Variants in SYNE1 observed in about 807,000 individuals in gnomAD.
SYNE1 encodes the protein spectrin repeat containing nuclear envelope protein 1.
SYNE1 carries 616 observed loss-of-function variants against 1,111.0 expected under a neutral mutation model. The ratio of observed to expected loss-of-function variants is 0.55; its 90% confidence interval spans 0.52 to 0.59. SYNE1 has a LOEUF of 0.59. Ranked by LOEUF, SYNE1 falls within the 20% of genes least tolerant of loss-of-function variation. The pLI is 0.00. For missense variants in SYNE1, 10,006 were observed against 10,417.0 expected (o/e 0.96, Z 1.72); for synonymous variants, 3,855 against 3,825.8 (o/e 1.01, Z -0.28).
intron 104 of SYNE1, among the ~76,000 whole-genome samples, chr6:152,253,752 G>C (rs1199150823): frequency 6.8e-6 from 1 of 147,002 alleles, no homozygotes; most frequent in African/African-American, 2.5e-5. Context: ...AGAAGGCAGT[G>C]GTAATTTGTG....
intron 3 of SYNE1, among the ~76,000 whole-genome samples, chr6:152,589,921 T>C (rs2099553539): frequency 1.4e-5 from 2 of 138,576 alleles, no homozygotes; most frequent in South Asian, 2.3e-4. Flanking sequence ...AATTTGTCCC[T>C]AAACATTTCT....
rs779886565 is a variant in SYNE1 at position 152,447,496 on chromosome 6, A to T, written c.3631T>A (p.Ser1211Thr). Residue 1211 changes from serine to threonine, a missense_variant, in exon 29 of 146, where the codon TCC (serine) becomes ACC (threonine). By Grantham distance (58) the Ser-to-Thr change is moderately conservative. Around this residue, in one of 7 missense-constraint regions of SYNE1, gnomAD observed 1,971 missense variants for 2,084.1 expected, o/e 0.95. Coordinates refer to ENST00000367255, the MANE Select transcript of SYNE1 (RefSeq NM_182961.4). Reference protein sequence around the residue: ...QKQGDELAKLSSSFKALVTLL... With the variant: ...QKQGDELAKLTSSFKALVTLL... ...GTCACAAGAGCCTTGAAAGAGCTGG[A>T]TAATTTTGCCAGCTCATCTCCCTGC... The T allele has an allele frequency of 1.2e-6, 2 of 1,614,252 alleles. No homozygotes were observed. The highest frequency in any genetic ancestry group is 2.2e-5 in the South Asian group (2 of 91,090).
intron 17 of SYNE1, 90 bp from the exon 18 acceptor site, chr6:152,465,550 T>A: frequency 8.5e-7 from 1 of 1,179,828 alleles, no homozygotes; most frequent in Non-Finnish European, 1.2e-6. Context: ...TGGTGTGCAA[T>A]AGTATCCATC....
intron 136 of SYNE1, 67 bp downstream of exon 136, chr6:152,149,410 C>T (rs2060040646): frequency 6.3e-7 from 1 of 1,596,616 alleles, no homozygotes; most frequent in Non-Finnish European, 8.6e-7. Context: ...ACTATCAATA[C>T]AACCCAATCC....
chr6:152,523,685 T>C (rs1197926904), intron 5 of SYNE1, among the ~76,000 whole-genome samples: 1 of 152,098 alleles, frequency 6.6e-6, no homozygotes, highest in Non-Finnish European at 1.5e-5. Flanking sequence ...AATCTATGAG[T>C]ATGAGATGTG....
At chr6:152,365,625 A>T (rs2097059625) in intron 62 of SYNE1, among the ~76,000 whole-genome samples, 1 of 150,418 alleles carries the variant, frequency 6.6e-6, no homozygotes, top group Non-Finnish European at 1.5e-5. Context: ...ATGGCCAGCT[A>T]ATTTAAATGT....
rs552539442 is a variant in SYNE1 at position 152,454,035 on chromosome 6, C to T, written c.2893-315G>A. Reference sequence around the variant, plus strand: ...AGATGCCAAAACCTTGATTCTGTAGCGATAGAGCTTCGGTTCCCCTTTGGT... The same window carrying T: ...AGATGCCAAAACCTTGATTCTGTAGTGATAGAGCTTCGGTTCCCCTTTGGT... On this transcript the variant is annotated intron_variant, in intron 24 of 145. Transcript: ENST00000367255. Among the ~76,000 whole-genome samples, 27 of 152,262 alleles carry T rather than the reference C, an allele frequency of 1.8e-4. 1 individual carries two copies. The highest frequency in any genetic ancestry group is 2.1e-4 in the South Asian group (1 of 4,828).
intron 11 of SYNE1, among the ~76,000 whole-genome samples, chr6:152,495,660 A>G (rs1394563383): frequency 6.6e-6 from 1 of 152,044 alleles, no homozygotes; most frequent in Non-Finnish European, 1.5e-5. Flanking sequence ...ACTCATTCCA[A>G]TGACCTGCTG....
At chr6:152,259,562 T>G (rs12192444) in intron 101 of SYNE1, among the ~76,000 whole-genome samples, 11,105 of 152,252 alleles carry the variant, frequency 0.073, 497 homozygotes, top group East Asian at 0.13. Flanking sequence ...GTAACAGAGA[T>G]ATCGGCTTCC....
chr6:152,541,347 C>A (rs2099268522), intron 3 of SYNE1, among the ~76,000 whole-genome samples: 1 of 152,116 alleles, frequency 6.6e-6, no homozygotes, highest in Admixed American at 6.5e-5. Context: ...TCTTTCACCT[C>A]TTTAGTTAGA....
Position 152,176,518 on chromosome 6 carries a change from G to A in SYNE1, c.23503C>T (p.Gln7835Ter). Residue 7835 changes from glutamine to a stop codon, truncating the protein, a stop_gained, in exon 130 of 146, where the codon CAG becomes TAG. Transcript: ENST00000367255. LOFTEE classifies it high-confidence loss of function. ...EIAIAQENKI[Q>*]LQQMGERLAK... ...AGTCGTTCTCCCATTTGTTGGAGCT[G>A]TATTTTGTTCTCTTGAGCAATAGCA... 1 of 1,614,152 alleles carries A rather than the reference G, an allele frequency of 6.2e-7. No homozygotes were observed. The highest frequency in any genetic ancestry group is 8.5e-7 in the Non-Finnish European group (1 of 1,180,016).
At chr6:152,329,690 C>A in intron 78 of SYNE1, 40 bp downstream of exon 78, 3 of 1,613,846 alleles carry the variant, frequency 1.9e-6, no homozygotes, top group Non-Finnish European at 2.5e-6. Context: ...TACAAATAAG[C>A]AGAGTGGAAA....
chr6:152,548,089 T>C (rs566055512), intron 3 of SYNE1, among the ~76,000 whole-genome samples: 1 of 152,326 alleles, frequency 6.6e-6, no homozygotes, highest in South Asian at 2.1e-4. Context: ...CCTTCTCAAC[T>C]AGACAAACCA....
At chr6:152,467,160 T>C (rs2098774858) in intron 16 of SYNE1, among the ~76,000 whole-genome samples, 1 of 152,150 alleles carries the variant, frequency 6.6e-6, no homozygotes, top group Non-Finnish European at 1.5e-5. Flanking sequence ...AAATTAACTA[T>C]TCTTCAGGGA....
At chr6:152,546,800 T>C (rs2099315738) in intron 3 of SYNE1, 1 of 152,194 alleles carries the variant, frequency 6.6e-6, no homozygotes, top group Non-Finnish European at 1.5e-5. Flanking sequence ...TTGTTGGTTG[T>C]GCTAATATTT....
chr6:152,561,534 C>G (rs893056138), intron 3 of SYNE1, among the ~76,000 whole-genome samples: 4 of 151,940 alleles, frequency 2.6e-5, no homozygotes, highest in Admixed American at 1.3e-4. Flanking sequence ...TAACTCCTAT[C>G]AAAATTCCAA....
At chr6:152,350,878 T>C (rs2096730227) in intron 70 of SYNE1, 108 bp from the exon 71 acceptor site, 4 of 1,362,974 alleles carry the variant, frequency 2.9e-6, no homozygotes, top group African/African-American at 1.4e-5. Flanking sequence ...AGAAAGATTG[T>C]TCATATTTAT....
intron 80 of SYNE1, 29 bp from the exon 81 acceptor site, chr6:152,325,331 A>G (rs1014309070): frequency 2.5e-6 from 4 of 1,604,202 alleles, no homozygotes; most frequent in Non-Finnish European, 3.4e-6. Flanking sequence ...GACGGAAGAG[A>G]GGAGACAAGG....
At chr6:152,632,670 A>G (rs1413069104) in intron 2 of SYNE1, among the ~76,000 whole-genome samples, 1 of 152,158 alleles carries the variant, frequency 6.6e-6, no homozygotes, top group Non-Finnish European at 1.5e-5. Context: ...TCTTAATTCT[A>G]TCTCTTACTG....
Sources: gnomAD v4.1 joint callset for allele counts (sites outside exome capture counted in the v4.1 genomes callset) on GRCh38, gnomAD v4.1.1 for gene constraint, gnomAD v4.1.1 regional missense constraint, MANE v1.5 for transcripts, NCBI Gene and HGNC (gene_info 2026-07-23, HGNC 2026-07-21) for gene names.